CNTN4: variants seen among roughly 807,000 people sequenced by gnomAD.
CNTN4 encodes contactin-4.
Under a neutral mutation model 122.5 loss-of-function variants are expected in CNTN4, and 77 were observed. That is an observed-to-expected ratio of 0.63 (90% CI 0.52 to 0.76). CNTN4 has a LOEUF of 0.76. Among genes scored for constraint, CNTN4 ranks in the 30% least tolerant of loss-of-function variants. The pLI is 0.00. For synonymous variants in CNTN4, 512 were observed against 447.0 expected (o/e 1.15, Z -1.83); for missense variants, 1,256 against 1,259.1 (o/e 1.00, Z 0.04).
intron 3 of CNTN4, among the ~76,000 whole-genome samples, chr3:2,450,135 G>T (rs567191767): frequency 7.2e-5 from 11 of 152,208 alleles, no homozygotes; most frequent in African/African-American, 2.2e-4. Flanking sequence ...GGAAGGCCAA[G>T]ATGGGTGGAT....
chr3:3,046,691 C>T (rs1220194450), intron 23 of CNTN4, among the ~76,000 whole-genome samples: 1 of 152,102 alleles, frequency 6.6e-6, no homozygotes, highest in Non-Finnish European at 1.5e-5. Flanking sequence ...ATTGTAAAGA[C>T]CATTGATGCT....
chr3:2,516,783 TACATTCTGAAGATATGG>T (rs1255783188), intron 3 of CNTN4, among the ~76,000 whole-genome samples: 2 of 152,176 alleles, frequency 1.3e-5, no homozygotes, highest in Non-Finnish European at 2.9e-5. Context: ...TGCAGGGCTA[TACATTCTGAAGATATGG>T]CAGAATTTAG....
Position 3,056,221 on chromosome 3 carries a change from C to T in CNTN4, c.*1C>T. ...CCTCACAGCTAGGTCCAGTTTATGA[C>T]AAAAGTTATCTGAAGGACTTGCTGT... On this transcript the variant is annotated 3_prime_UTR_variant, in exon 25 of 25. Transcript: ENST00000418658. 5 of 1,608,378 alleles carry T rather than the reference C, an allele frequency of 3.1e-6. No homozygotes were observed. Among genetic ancestry groups the T allele is most frequent in the Non-Finnish European group, 4.3e-6 (5 of 1,174,814 alleles).
chr3:2,261,855 CTG>C (rs2040845420), intron 2 of CNTN4, among the ~76,000 whole-genome samples: 1 of 152,150 alleles, frequency 6.6e-6, no homozygotes, highest in Admixed American at 6.6e-5. Context: ...GCCCGAGTAT[CTG>C]TGTGTGGGAT....
At position 2,283,161 on chromosome 3, in the gene CNTN4, A is replaced by G. The variant is rs1347839140; in HGVS notation, c.-144-56017A>G. ...GTTACATTACGTGAATTTTATCTCTAAAAGCATTTTAAGAGAAGACATTAT... is the reference window on the plus strand; with the variant it reads ...GTTACATTACGTGAATTTTATCTCTGAAAGCATTTTAAGAGAAGACATTAT... On this transcript the variant is annotated intron_variant, in intron 2 of 24. Coordinates refer to ENST00000418658, the MANE Select transcript of CNTN4 (RefSeq NM_175607.3). 3.9e-5 allele frequency among the ~76,000 whole-genome samples: 6 copies of G among 152,270 alleles called. No homozygotes were observed. In the East Asian group the frequency reaches 9.6e-4, roughly 24 times the overall value.
intron 2 of CNTN4, among the ~76,000 whole-genome samples, chr3:2,109,383 G>C (rs1293686035): frequency 2.6e-5 from 4 of 152,078 alleles, no homozygotes; most frequent in African/African-American, 9.7e-5. Context: ...TAATGATCTT[G>C]AGTTAAAAAA....
chr3:2,779,150 T>A (rs890277095), intron 6 of CNTN4, among the ~76,000 whole-genome samples: 64 of 152,268 alleles, frequency 4.2e-4, no homozygotes, highest in African/African-American at 1.5e-3. Context: ...GGGAGGGTAG[T>A]TAGAGCAATG....
At chr3:2,460,053 C>G (rs187833503) in intron 3 of CNTN4, among the ~76,000 whole-genome samples, 123 of 152,158 alleles carry the variant, frequency 8.1e-4, no homozygotes, top group Middle Eastern at 6.8e-3. Context: ...GGCCATCTAT[C>G]TCTGGGCTGA....
chr3:2,809,902 T>C (rs2092563356), intron 6 of CNTN4, among the ~76,000 whole-genome samples: 1 of 151,878 alleles, frequency 6.6e-6, no homozygotes, highest in African/African-American at 2.4e-5. Context: ...GTCAAAGAAA[T>C]GAGGAAAAGG....
chr3:2,545,906 T>C (rs1010137104), intron 3 of CNTN4, among the ~76,000 whole-genome samples: 1 of 151,934 alleles, frequency 6.6e-6, no homozygotes. Context: ...CTAACAACCT[T>C]ATGAAAAAAT....
intron 2 of CNTN4, among the ~76,000 whole-genome samples, chr3:2,113,560 C>T (rs1275357769): frequency 1.3e-5 from 2 of 152,128 alleles, no homozygotes; most frequent in African/African-American, 4.8e-5. Context: ...ACAACTGGTT[C>T]CCTGCTACGA....
At chr3:3,011,603 A>G (rs1382339337) in intron 14 of CNTN4, among the ~76,000 whole-genome samples, 1 of 152,184 alleles carries the variant, frequency 6.6e-6, no homozygotes, top group Non-Finnish European at 1.5e-5. Flanking sequence ...ATGTACAATG[A>G]TAATTTCCTT....
intron 3 of CNTN4, among the ~76,000 whole-genome samples, chr3:2,455,692 C>G (rs1211232794): frequency 1.3e-5 from 2 of 152,056 alleles, no homozygotes; most frequent in African/African-American, 4.8e-5. Flanking sequence ...GTTTGTTTAG[C>G]CAGACGTGTC....
At chr3:2,509,815 C>T (rs969379514) in intron 3 of CNTN4, among the ~76,000 whole-genome samples, 2 of 152,112 alleles carry the variant, frequency 1.3e-5, no homozygotes, top group South Asian at 2.1e-4. Flanking sequence ...CCTTTCTCTA[C>T]CTTTGGATAG....
intron 6 of CNTN4, among the ~76,000 whole-genome samples, chr3:2,797,478 A>G (rs567095743): frequency 6.6e-6 from 1 of 152,220 alleles, no homozygotes; most frequent in Non-Finnish European, 1.5e-5. Context: ...GGCGCCTGTA[A>G]TCCCAGCTAC....
At position 2,129,168 on chromosome 3, in the gene CNTN4, A is replaced by C. The variant is rs557212132; in HGVS notation, c.-145+28529A>C. Among the ~76,000 whole-genome samples, 54 of 150,512 alleles carry C rather than the reference A, an allele frequency of 3.6e-4. 1 individual carries two copies. The South Asian group carries it at 0.011, about 30-fold the overall frequency. ...TGAAGCTAACATTTCCTGAGCTTTAACATTTTTCATTTGTTATTATTTTTT... is the reference window on the plus strand; with the variant it reads ...TGAAGCTAACATTTCCTGAGCTTTACCATTTTTCATTTGTTATTATTTTTT... On this transcript the variant is annotated intron_variant, in intron 2 of 24. Coordinates refer to ENST00000418658, the MANE Select transcript of CNTN4 (RefSeq NM_175607.3).
chr3:2,425,501 G>A (rs1397022963), intron 3 of CNTN4, among the ~76,000 whole-genome samples: 3 of 152,130 alleles, frequency 2.0e-5, no homozygotes, highest in Non-Finnish European at 4.4e-5. Flanking sequence ...AAGTCAGGTA[G>A]CGTGATGCCT....
intron 3 of CNTN4, among the ~76,000 whole-genome samples, chr3:2,403,997 A>G: frequency 6.6e-6 from 1 of 152,138 alleles, no homozygotes; most frequent in East Asian, 1.9e-4. Context: ...TACTTTCTCA[A>G]TTTCTTCACA....
chr3:2,195,381 C>T (rs546628079), intron 2 of CNTN4, among the ~76,000 whole-genome samples: 10 of 152,276 alleles, frequency 6.6e-5, no homozygotes, highest in Admixed American at 6.5e-4. Flanking sequence ...CTTCAATGAA[C>T]ACGGGAGTGA....
Sources: allele counts gnomAD v4.1 joint callset (sites outside exome capture counted in the v4.1 genomes callset), GRCh38; gene constraint gnomAD v4.1.1; transcripts MANE v1.5; gene names NCBI Gene and HGNC (gene_info 2026-07-23, HGNC 2026-07-21).